Variants in SH3BP5 observed in about 807,000 individuals in gnomAD.
SH3BP5 encodes the protein SH3 domain binding protein 5.
In SH3BP5, 22 loss-of-function variants were observed where a neutral mutation model predicts 43.3. That is an observed-to-expected ratio of 0.51 (90% CI 0.36 to 0.73). SH3BP5 has a LOEUF of 0.73. Among genes scored for constraint, SH3BP5 ranks in the 30% least tolerant of loss-of-function variants. The pLI, the probability that SH3BP5 is intolerant of heterozygous loss-of-function variation, is 0.00. For missense variants in SH3BP5, 529 were observed against 586.9 expected, an observed-to-expected ratio of 0.90 and a Z score of 1.02; for synonymous variants, 255 against 225.8, an observed-to-expected ratio of 1.13 and a Z score of -1.16.
intron 4 of SH3BP5, among the ~76,000 whole-genome samples, chr3:15,263,207 G>T (rs1013252899): frequency 2.0e-5 from 3 of 152,182 alleles, no homozygotes; most frequent in Non-Finnish European, 4.4e-5. Context: ...TTCTTCTCAG[G>T]TTCCTCGATC....
intron 4 of SH3BP5, among the ~76,000 whole-genome samples, chr3:15,263,704 T>C (rs976069050): frequency 1.3e-5 from 2 of 152,060 alleles, no homozygotes; most frequent in African/African-American, 2.4e-5. Context: ...ACATGGGCAA[T>C]GTTAATTCTC....
chr3:15,268,099 T>C (rs1187832184), intron 4 of SH3BP5, among the ~76,000 whole-genome samples: 1 of 152,176 alleles, frequency 6.6e-6, no homozygotes, highest in Non-Finnish European at 1.5e-5. Flanking sequence ...CACGTCTAGC[T>C]CTGTGAGCAT....
chr3:15,337,527 T>A (rs1410956032), upstream of SH3BP5, among the ~76,000 whole-genome samples: 1 of 152,222 alleles, frequency 6.6e-6, no homozygotes, highest in Non-Finnish European at 1.5e-5. Flanking sequence ...CCCTACTATA[T>A]GCATACACTA....
intron 3 of SH3BP5, among the ~76,000 whole-genome samples, chr3:15,295,450 G>C (rs976292264): frequency 3.3e-5 from 5 of 152,118 alleles, no homozygotes; most frequent in African/African-American, 1.2e-4. Flanking sequence ...TTAGTGCTGT[G>C]TTTTTGACAT....
rs1401132246 is a variant in SH3BP5, at chr3:15,316,475, G to A, written c.202-12244C>T. Among the ~76,000 whole-genome samples, 13 of 151,924 alleles carry A rather than the reference G, an allele frequency of 8.6e-5. No homozygotes were observed. In the South Asian group the frequency reaches 2.5e-3, roughly 29 times the overall value. Reference sequence around the variant, plus strand: ...CCTGACCTCGTGATCCGCTGGCCTCGGCCTCCCAAAGTGCTGGGATTACAG... The same window carrying A: ...CCTGACCTCGTGATCCGCTGGCCTCAGCCTCCCAAAGTGCTGGGATTACAG... On this transcript the variant is annotated intron_variant, in intron 2 of 8. Transcript: ENST00000383791.
chr3:15,273,307 T>C (rs1232451454), intron 3 of SH3BP5: 16 of 985,332 alleles, frequency 1.6e-5, no homozygotes, highest in Middle Eastern at 5.2e-4. Context: ...GATGCTCTTT[T>C]GACGGCCTTC....
intron 2 of SH3BP5, among the ~76,000 whole-genome samples, chr3:15,306,871 G>A (rs9843323): frequency 0.23 from 35,415 of 151,726 alleles, 4,267 homozygotes; most frequent in African/African-American, 0.3. Context: ...ATGGGGTTTC[G>A]CATGTTGTCC....
In SH3BP5 at chr3:15,291,071, A is replaced by G. The variant is rs528660621; in HGVS notation, c.330+13032T>C. On this transcript the variant is annotated intron_variant, in intron 3 of 8. Coordinates refer to ENST00000383791, the MANE Select transcript of SH3BP5 (RefSeq NM_004844.5). ...GACCAGCTCTCAGCAAAACCAAGCT[A>G]GTGAGGGTTGGGGTGGACAGAAAAA... is the stretch of plus-strand genomic sequence containing the variant. Among the ~76,000 whole-genome samples the G allele has an allele frequency of 3.3e-5, 5 of 152,282 alleles. No individual in the cohort carries two copies. The South Asian group carries it at 1.0e-3, about 32-fold the overall frequency.
upstream of SH3BP5, among the ~76,000 whole-genome samples, chr3:15,337,309 T>C (rs1024977613): frequency 6.6e-6 from 1 of 151,990 alleles, no homozygotes; most frequent in South Asian, 2.1e-4. Flanking sequence ...GGTCTTGAAC[T>C]CCTGATCCAC....
chr3:15,276,654 A>C (rs1485464146), intron 3 of SH3BP5, among the ~76,000 whole-genome samples: 1 of 152,150 alleles, frequency 6.6e-6, no homozygotes, highest in Admixed American at 6.6e-5. Flanking sequence ...CAGCAACTGC[A>C]AAGGAGGTGG....
At chr3:15,312,887 C>T (rs570531436) in intron 2 of SH3BP5, among the ~76,000 whole-genome samples, 1 of 152,230 alleles carries the variant, frequency 6.6e-6, no homozygotes, top group African/African-American at 2.4e-5. Context: ...AAAAAAAACA[C>T]CTGCTTAAAA....
rs1427422776 is a variant in SH3BP5, at chr3:15,256,230, A to G, written c.1224T>C (p.Ser408=). The change falls in exon 9 of 9, where the codon AGT becomes AGC. Residue 408 remains serine (S), a synonymous_variant. Coordinates refer to ENST00000383791, the MANE Select transcript of SH3BP5 (RefSeq NM_004844.5). ...ANNNRGLSSS[S]GSGGSSKSQS... ...GGCTCTTACTGCTGCCACCACTGCCACTGCTACTGCTGAGGCCCCGGTTGT... is the reference window on the plus strand; with the variant it reads ...GGCTCTTACTGCTGCCACCACTGCCGCTGCTACTGCTGAGGCCCCGGTTGT... 1.2e-6 allele frequency: 2 copies of G among 1,614,122 alleles called. No homozygotes were observed. Among genetic ancestry groups the G allele is most frequent in the African/African-American group, 1.3e-5 (1 of 74,996 alleles).
chr3:15,337,227 G>A (rs1698712080), upstream of SH3BP5, among the ~76,000 whole-genome samples: 1 of 151,218 alleles, frequency 6.6e-6, no homozygotes, highest in South Asian at 2.1e-4. Context: ...TGGGATTATA[G>A]GCGCCTGCCA....
chr3:15,293,408 T>A (rs911583299), intron 3 of SH3BP5, among the ~76,000 whole-genome samples: 10 of 152,162 alleles, frequency 6.6e-5, no homozygotes, highest in African/African-American at 2.2e-4. Context: ...AAGGAAGGCA[T>A]GACAAAGCCA....
Position 15,332,340 on chromosome 3 carries a change from C to T in SH3BP5, c.69G>A (p.Glu23=). The change falls in exon 1 of 9, where the codon GAG becomes GAA. Residue 23 remains glutamate (E), a synonymous_variant. Coordinates refer to ENST00000383791, the MANE Select transcript of SH3BP5 (RefSeq NM_004844.5). The part of the protein sequence containing the change: ...PAEILPPARD[E]EEEEEEGMEQ... Reference sequence around the variant, plus strand: ...CCATCCCCTCTTCCTCCTCCTCCTCCTCGTCCCGGGCAGGCGGCAGGATTT... The same window carrying T: ...CCATCCCCTCTTCCTCCTCCTCCTCTTCGTCCCGGGCAGGCGGCAGGATTT... 1 of 1,543,326 alleles carries T rather than the reference C, an allele frequency of 6.5e-7. No homozygotes were observed. Among genetic ancestry groups the T allele is most frequent in the Non-Finnish European group, 8.7e-7 (1 of 1,148,408 alleles).
At chr3:15,334,566 C>T (rs931988677), upstream of SH3BP5, among the ~76,000 whole-genome samples, 2 of 140,110 alleles carry the variant, frequency 1.4e-5, no homozygotes, top group Non-Finnish European at 3.1e-5. Flanking sequence ...GCCTTGCTCT[C>T]TAGAAAAAAA....
intron 2 of SH3BP5, among the ~76,000 whole-genome samples, chr3:15,324,955 C>T (rs78880685): frequency 0.01 from 1,569 of 151,596 alleles, 14 homozygotes; most frequent in Admixed American, 0.018. Context: ...GTTTGAGGAA[C>T]ACAGATACTC....
chr3:15,305,366 C>A (rs1223329769), intron 2 of SH3BP5, among the ~76,000 whole-genome samples: 1 of 152,184 alleles, frequency 6.6e-6, no homozygotes, highest in Non-Finnish European at 1.5e-5. Flanking sequence ...ACACTGAGTG[C>A]AAATTTATTT....
At chr3:15,278,631 A>G (rs557442567) in intron 3 of SH3BP5, among the ~76,000 whole-genome samples, 2 of 152,370 alleles carry the variant, frequency 1.3e-5, no homozygotes, top group East Asian at 3.9e-4. Context: ...TTTCCTTTGA[A>G]AACATCTTCT....
Sources: gnomAD v4.1 joint callset for allele counts (sites outside exome capture counted in the v4.1 genomes callset) on GRCh38, gnomAD v4.1.1 for gene constraint, MANE v1.5 for transcripts, NCBI Gene and HGNC (gene_info 2026-07-23, HGNC 2026-07-21) for gene names.